DNAJC15: variants seen among roughly 807,000 people sequenced by gnomAD.
The protein encoded by DNAJC15 is dnaJ homolog subfamily C member 15.
A neutral mutation model predicts 22.4 loss-of-function variants in DNAJC15; 27 were observed. That is an observed-to-expected ratio of 1.20 (90% CI 0.89 to 1.66). The LOEUF is 1.66. DNAJC15 is among the 40% of genes most tolerant of loss of function. The probability of loss-of-function intolerance (pLI) is 0.00; values close to 1 mark genes in which losing one functional copy is unlikely to be tolerated. For synonymous variants in DNAJC15, 79 were observed against 63.2 expected (o/e 1.25, Z -1.19); for missense variants, 208 against 187.1 (o/e 1.11, Z -0.65).
At chr13:43,070,689 G>A (rs1449590771) in intron 3 of DNAJC15, among the ~76,000 whole-genome samples, 1 of 152,120 alleles carries the variant, frequency 6.6e-6, no homozygotes, top group Non-Finnish European at 1.5e-5. Flanking sequence ...GAGTCTAGCA[G>A]CAAGAGTAAC....
chr13:43,071,135 G>A (rs1336895774), intron 3 of DNAJC15, among the ~76,000 whole-genome samples: 1 of 152,128 alleles, frequency 6.6e-6, no homozygotes, highest in Non-Finnish European at 1.5e-5. Context: ...ATTTAACATT[G>A]TAAAGGAAGA....
At chr13:43,073,838 C>T (rs531259358) in intron 3 of DNAJC15, among the ~76,000 whole-genome samples, 1 of 151,766 alleles carries the variant, frequency 6.6e-6, no homozygotes, top group South Asian at 2.1e-4. Context: ...CTCTTTTGAA[C>T]AAGTGCCCTT....
At chr13:43,024,337 GTTTT>G (rs376910976) in intron 1 of DNAJC15, among the ~76,000 whole-genome samples, 5 of 93,396 alleles carry the variant, frequency 5.4e-5, no homozygotes, top group African/African-American at 1.7e-4. Context: ...GTATTTTTAC[GTTTT>G]TTTTTTTTTT....
chr13:43,099,107 A>G (rs1434798358), intron 5 of DNAJC15, among the ~76,000 whole-genome samples: 3 of 151,564 alleles, frequency 2.0e-5, no homozygotes, highest in African/African-American at 7.3e-5. Flanking sequence ...TGAGTTTTGG[A>G]CTTCTTTTGT....
Position 43,107,330 on chromosome 13 carries a change from T to A in DNAJC15, c.*82T>A, listed in dbSNP as rs2040802274. The A allele has an allele frequency of 8.2e-7, 1 of 1,213,414 alleles. No homozygotes were observed. The highest frequency in any genetic ancestry group is 1.1e-6 in the Non-Finnish European group (1 of 905,050). 75.2% of individuals were successfully genotyped at this position (1,213,414 alleles called of 1,614,324 possible). ...CCCTGCAAAATATTCTAAAACATGG[T>A]CTTCTTAATTTTCTATATGGATTGA... On this transcript the variant is annotated 3_prime_UTR_variant, in exon 6 of 6. Coordinates refer to ENST00000379221, the MANE Select transcript of DNAJC15 (RefSeq NM_013238.3).
chr13:43,034,537 G>A (rs924601214), intron 1 of DNAJC15, among the ~76,000 whole-genome samples: 9 of 151,788 alleles, frequency 5.9e-5, no homozygotes, highest in East Asian at 1.9e-4. Flanking sequence ...GGATGGTCTT[G>A]TTCTCCTGAC....
chr13:43,052,809 C>T (rs1415973335), intron 1 of DNAJC15, among the ~76,000 whole-genome samples: 1 of 152,254 alleles, frequency 6.6e-6, no homozygotes, highest in East Asian at 1.9e-4. Context: ...GTGTTGGATA[C>T]ATAGTTTGCA....
At chr13:43,088,360 G>A (rs1371495705) in intron 5 of DNAJC15, among the ~76,000 whole-genome samples, 2 of 152,142 alleles carry the variant, frequency 1.3e-5, no homozygotes, top group Admixed American at 6.5e-5. Context: ...CTAAATCTGG[G>A]CTTTCTGCTC....
At chr13:43,031,816 CT>C (rs1189567285) in intron 1 of DNAJC15, among the ~76,000 whole-genome samples, 1 of 152,190 alleles carries the variant, frequency 6.6e-6, no homozygotes, top group Non-Finnish European at 1.5e-5. Context: ...AGAATATTCT[CT>C]TTGTTTCTCT....
intron 4 of DNAJC15, among the ~76,000 whole-genome samples, chr13:43,081,867 A>G (rs898043949): frequency 6.6e-6 from 1 of 152,128 alleles, no homozygotes; most frequent in Admixed American, 6.5e-5. Flanking sequence ...GGTTTAATGG[A>G]CTCACAGTTC....
At chr13:43,029,372 A>C (rs980589228) in intron 1 of DNAJC15, among the ~76,000 whole-genome samples, 8 of 152,208 alleles carry the variant, frequency 5.3e-5, no homozygotes, top group African/African-American at 1.9e-4. Flanking sequence ...CCTCTGGTAC[A>C]ACTCTTGTTT....
intron 3 of DNAJC15, among the ~76,000 whole-genome samples, chr13:43,070,166 G>T (rs2040602226): frequency 6.6e-6 from 1 of 152,110 alleles, no homozygotes; most frequent in Non-Finnish European, 1.5e-5. Flanking sequence ...AGTTAGCCAT[G>T]AATAATGACA....
intron 1 of DNAJC15, among the ~76,000 whole-genome samples, chr13:43,045,040 A>G (rs959601814): frequency 7.0e-6 from 1 of 142,224 alleles, no homozygotes; most frequent in Non-Finnish European, 1.6e-5. Context: ...GCTAGTCTTT[A>G]TGTTGACCAT....
At chr13:43,065,648 T>A (rs753220665) in intron 1 of DNAJC15, 38 bp from the exon 2 acceptor site, 1 of 1,528,326 alleles carries the variant, frequency 6.5e-7, no homozygotes, top group South Asian at 1.1e-5. Flanking sequence ...AAACCCAGCA[T>A]GTTACATCAT....
intron 5 of DNAJC15, among the ~76,000 whole-genome samples, chr13:43,094,448 T>A (rs2040729993): frequency 6.6e-6 from 1 of 152,216 alleles, no homozygotes; most frequent in Non-Finnish European, 1.5e-5. Context: ...CAGTTGATTC[T>A]AATGTACACT....
intron 1 of DNAJC15, among the ~76,000 whole-genome samples, chr13:43,025,162 A>G (rs75925752): frequency 0.013 from 2,040 of 152,272 alleles, 43 homozygotes; most frequent in African/African-American, 0.046. Context: ...CAAATGCTAC[A>G]CTTTTTCCCT....
Position 43,093,549 on chromosome 13 carries a change from A to G in DNAJC15, c.382+7711A>G, listed in dbSNP as rs561035214. 3.3e-5 allele frequency among the ~76,000 whole-genome samples: 5 copies of G among 152,190 alleles called. No individual in the cohort carries two copies. In the East Asian group the frequency reaches 9.7e-4, roughly 29 times the overall value. The stretch of plus-strand genomic sequence containing the variant: ...CCCTAGCCTCTCAAGTACTTGGGAC[A>G]ATAGGTGTGTGCCAACATACCCAGC... On this transcript the variant is annotated intron_variant, in intron 5 of 5. Coordinates refer to ENST00000379221, the MANE Select transcript of DNAJC15 (RefSeq NM_013238.3).
chr13:43,044,797 C>CT (rs562360981), intron 1 of DNAJC15, among the ~76,000 whole-genome samples: 146 of 152,098 alleles, frequency 9.6e-4, no homozygotes, highest in African/African-American at 3.3e-3. Context: ...CCTCCGAACT[C>CT]TATCTAGTAT....
chr13:43,085,331 A>C (rs2040682234), intron 4 of DNAJC15, among the ~76,000 whole-genome samples: 2 of 141,564 alleles, frequency 1.4e-5, no homozygotes, highest in Admixed American at 7.3e-5. Context: ...ACTGCACTCC[A>C]ACCTGGGCAA....
Sources: allele counts gnomAD v4.1 joint callset (sites outside exome capture counted in the v4.1 genomes callset), GRCh38; gene constraint gnomAD v4.1.1; transcripts MANE v1.5; gene names NCBI Gene and HGNC (gene_info 2026-07-23, HGNC 2026-07-21).